The following RBFOX3 variants were observed in gnomAD, a reference collection of about 807,000 sequenced individuals.
The protein encoded by RBFOX3 is RNA binding fox-1 homolog 3.
In RBFOX3, 17 loss-of-function variants were observed where a neutral mutation model predicts 48.7. The observed-to-expected ratio is 0.35, with a 90% CI of 0.24 to 0.52. The LOEUF (loss-of-function observed/expected upper bound fraction) is 0.52, where lower values mean the gene tolerates loss of function less well. Among genes scored for constraint, RBFOX3 ranks in the 20% least tolerant of loss-of-function variants. The probability of loss-of-function intolerance (pLI) is 0.94; values close to 1 mark genes in which losing one functional copy is unlikely to be tolerated. For missense variants in RBFOX3, 382 were observed against 497.5 expected, an observed-to-expected ratio of 0.77 and a Z score of 2.21; for synonymous variants, 212 against 209.5, an observed-to-expected ratio of 1.01 and a Z score of -0.10.
chr17:79,504,875 C>A (rs2082868681), intron 1 of RBFOX3, among the ~76,000 whole-genome samples: 1 of 152,210 alleles, frequency 6.6e-6, no homozygotes, highest in Non-Finnish European at 1.5e-5. Context: ...AAAACATATA[C>A]AGATGCGGAC....
chr17:79,367,049 T>C (rs1244263972), intron 2 of RBFOX3, among the ~76,000 whole-genome samples: 1 of 152,174 alleles, frequency 6.6e-6, no homozygotes, highest in Non-Finnish European at 1.5e-5. Flanking sequence ...CACCGTGTTG[T>C]GACTGCCTCA....
rs2057385992 is a variant in RBFOX3 at position 79,205,697 on chromosome 17, C to T, written c.-34+30069G>A. On this transcript the variant is annotated intron_variant, in intron 4 of 14. Coordinates refer to ENST00000693108, the MANE Select transcript of RBFOX3 (RefSeq NM_001350451.2). This position sits in a 1 kb window ranked among gnomAD's most constrained non-coding sequence, Gnocchi z 4.5. ...TGATGGTGGATTACTGGAAACTTCA[C>T]CAAGCAGCAGCCTCCAATTATTCAC... 6.6e-6 allele frequency among the ~76,000 whole-genome samples: 1 copy of T among 152,178 alleles called. No individual in the cohort carries two copies. The highest frequency in any genetic ancestry group is 2.4e-5 in the African/African-American group (1 of 41,438).
chr17:79,427,306 G>T (rs1021657654), intron 2 of RBFOX3, among the ~76,000 whole-genome samples: 1 of 152,216 alleles, frequency 6.6e-6, no homozygotes, highest in Non-Finnish European at 1.5e-5. Context: ...GAATGGAGGG[G>T]CTGAGGCTCT....
intron 4 of RBFOX3, among the ~76,000 whole-genome samples, chr17:79,206,184 T>C (rs2146971735): frequency 6.6e-6 from 1 of 152,240 alleles, no homozygotes; most frequent in African/African-American, 2.4e-5. Context: ...TTGAAGATCA[T>C]GTAAAAGCAA....
At chr17:79,655,648 G>A in the RBFOX3 span, among the ~76,000 whole-genome samples, 5 of 152,200 alleles carry the variant, frequency 3.3e-5, no homozygotes, top group African/African-American at 9.6e-5. Context: ...ACACCCATGT[G>A]TGAGAATGAA....
intron 2 of RBFOX3, among the ~76,000 whole-genome samples, chr17:79,403,848 C>T (rs11870647): frequency 0.8 from 118,732 of 148,452 alleles, 47,709 homozygotes; most frequent in East Asian, 1. Flanking sequence ...GGCGCGATCT[C>T]GGCTCACTGC....
the RBFOX3 span, among the ~76,000 whole-genome samples, chr17:79,637,970 T>C: frequency 5.3e-5 from 8 of 152,100 alleles, no homozygotes; most frequent in Admixed American, 2.6e-4. Flanking sequence ...ATGTGGAAAC[T>C]AAATAACACA....
chr17:79,131,938 C>T (rs188590139), intron 4 of RBFOX3, among the ~76,000 whole-genome samples: 23 of 152,288 alleles, frequency 1.5e-4, no homozygotes, highest in African/African-American at 5.3e-4. Context: ...CACGATTAAG[C>T]GGTAATTCTC....
rs184249777 is a variant in RBFOX3 at position 79,452,022 on chromosome 17, G to A, written c.-175+30432C>T. ...TCCTAGAGAGCCCAGAGGGCTTTACGCTATGTTCCCTGTGGCTACAGGGGA... is the reference window on the plus strand; with the variant it reads ...TCCTAGAGAGCCCAGAGGGCTTTACACTATGTTCCCTGTGGCTACAGGGGA... On this transcript the variant is annotated intron_variant, in intron 2 of 14. Coordinates refer to ENST00000693108, the MANE Select transcript of RBFOX3 (RefSeq NM_001350451.2). Among the ~76,000 whole-genome samples, 43 of 152,322 alleles carry A rather than the reference G, an allele frequency of 2.8e-4. No individual in the cohort carries two copies. In the East Asian group the frequency reaches 6.6e-3, roughly 23 times the overall value.
At chr17:79,101,800 C>T (rs898624034) in intron 8 of RBFOX3, among the ~76,000 whole-genome samples, 156 bp from the exon 9 acceptor site, 2 of 152,124 alleles carry the variant, frequency 1.3e-5, no homozygotes, top group Non-Finnish European at 2.9e-5. Context: ...AGCCTTGGCC[C>T]CCACTGCTCC....
chr17:79,270,960 TTCTTTC>T (rs1187360286), intron 3 of RBFOX3, among the ~76,000 whole-genome samples: 1 of 147,952 alleles, frequency 6.8e-6, no homozygotes, highest in Non-Finnish European at 1.5e-5. Context: ...CCTTTTCTTT[TTCTTTC>T]TCTTTCTTTT....
chr17:79,304,388 G>A (rs2075795029), intron 3 of RBFOX3, among the ~76,000 whole-genome samples: 1 of 149,772 alleles, frequency 6.7e-6, no homozygotes, highest in Admixed American at 6.7e-5. Context: ...ACATATATTT[G>A]TATATAATGT....
At chr17:79,241,553 C>T (rs2062380305) in intron 3 of RBFOX3, among the ~76,000 whole-genome samples, 1 of 152,126 alleles carries the variant, frequency 6.6e-6, no homozygotes, top group Non-Finnish European at 1.5e-5. Flanking sequence ...GAAGGTGACT[C>T]TGTGCTGAGG....
chr17:79,140,467 G>T (rs756729634), intron 4 of RBFOX3, among the ~76,000 whole-genome samples: 1 of 152,258 alleles, frequency 6.6e-6, no homozygotes, highest in Non-Finnish European at 1.5e-5. Flanking sequence ...CAGACACAGC[G>T]TGTGCCAAGC....
At chr17:79,656,076 G>C in the RBFOX3 span, among the ~76,000 whole-genome samples, 2 of 152,158 alleles carry the variant, frequency 1.3e-5, no homozygotes, top group African/African-American at 4.8e-5. Flanking sequence ...TCTTGCTTCT[G>C]AGATCACTCT....
In RBFOX3 at chr17:79,362,340, C is replaced by T. The variant is rs1214559921; in HGVS notation, c.-174-54516G>A. Among the ~76,000 whole-genome samples the T allele has an allele frequency of 6.6e-6, 1 of 152,216 alleles. No homozygotes were observed. Among genetic ancestry groups the T allele is most frequent in the African/African-American group, 2.4e-5 (1 of 41,466 alleles). ...TCAGGGCTTGGCTGAGATCCCCGGC[C>T]AGCGTCTGCGTAGGACGGTGGGAGA... On this transcript the variant is annotated intron_variant, in intron 2 of 14. Transcript: ENST00000693108. This position sits in a 1 kb window ranked among gnomAD's most constrained non-coding sequence, Gnocchi z 4.2.
intron 2 of RBFOX3, among the ~76,000 whole-genome samples, chr17:79,313,634 T>G (rs2077146351): frequency 6.6e-6 from 1 of 152,110 alleles, no homozygotes; most frequent in Admixed American, 6.5e-5. Context: ...TTCCTGGAGA[T>G]AAAGTGAGGC....
In RBFOX3 at chr17:79,097,980, G is replaced by A. The variant is rs2075710185; in HGVS notation, c.569-235C>T. On this transcript the variant is annotated intron_variant, in intron 9 of 14. Coordinates refer to ENST00000693108, the MANE Select transcript of RBFOX3 (RefSeq NM_001350451.2). ...GGTCTGCTAGGATTCTTTCCCAATT[G>A]TGATCCTCCTCAGCCTGCCCCTGAG... The A allele has an allele frequency of 7.1e-6, 4 of 565,162 alleles. No homozygotes were observed. In the East Asian group the frequency reaches 1.2e-4, roughly 17 times the overall value. 35.0% of individuals were successfully genotyped at this position (565,162 alleles called of 1,614,324 possible).
At chr17:79,280,112 G>GCACA (rs10650242) in intron 3 of RBFOX3, among the ~76,000 whole-genome samples, 15 of 150,772 alleles carry the variant, frequency 9.9e-5, no homozygotes, top group South Asian at 2.1e-4. Context: ...ACATGTGTAT[G>GCACA]CACACACACA....
Sources: allele counts gnomAD v4.1 joint callset (sites outside exome capture counted in the v4.1 genomes callset), GRCh38; gene constraint gnomAD v4.1.1; non-coding constraint Gnocchi (gnomAD v3.1); transcripts MANE v1.5; gene names NCBI Gene and HGNC (gene_info 2026-07-23, HGNC 2026-07-21).